USP40: variants seen among roughly 807,000 people sequenced by gnomAD.
USP40 encodes the protein ubiquitin carboxyl-terminal hydrolase 40.
USP40 carries 143 observed loss-of-function variants against 166.2 expected under a neutral mutation model. The ratio of observed to expected loss-of-function variants is 0.86; its 90% CI spans 0.75 to 0.99. USP40 has a LOEUF of 0.99. Ranked by LOEUF, USP40 falls within the 50% of genes least tolerant of loss-of-function variation. The pLI, the probability that USP40 is intolerant of heterozygous loss-of-function variation, is 0.00. For missense variants in USP40, 1,444 were observed against 1,479.7 expected, an observed-to-expected ratio of 0.98 and a Z score of 0.40; for synonymous variants, 498 against 524.0, an observed-to-expected ratio of 0.95 and a Z score of 0.68.
intron 15 of USP40, 134 bp from the exon 16 acceptor site, chr2:233,523,623 T>G (rs2067814641): frequency 1.9e-5 from 16 of 851,352 alleles, no homozygotes; most frequent in Non-Finnish European, 2.8e-5. Context: ...AAATGTCTGT[T>G]AAGCATCAGA....
chr2:233,512,977 T>C (rs2066938279), intron 18 of USP40: 1 of 153,930 alleles, frequency 6.5e-6, no homozygotes, highest in South Asian at 2.1e-4. Flanking sequence ...TAAAACCCTC[T>C]TCGTTATTAA....
chr2:233,485,744 C>T, intron 29 of USP40, 23 bp downstream of exon 29: 1 of 1,611,502 alleles, frequency 6.2e-7, no homozygotes, highest in Non-Finnish European at 8.5e-7. Flanking sequence ...CCCAATTTCT[C>T]TGAGACAGCC....
chr2:233,535,005 A>G (rs2068835914), intron 10 of USP40, among the ~76,000 whole-genome samples: 1 of 152,228 alleles, frequency 6.6e-6, no homozygotes, highest in Non-Finnish European at 1.5e-5. Flanking sequence ...TACTTCAAAG[A>G]AGGGAAGCAA....
chr2:233,509,652 C>T (rs1399961006), intron 21 of USP40, among the ~76,000 whole-genome samples: 1 of 151,810 alleles, frequency 6.6e-6, no homozygotes, highest in Non-Finnish European at 1.5e-5. Context: ...ACCAGCCTGG[C>T]TAACATGGAG....
intron 31 of USP40, among the ~76,000 whole-genome samples, chr2:233,477,989 G>A (rs1440429635): frequency 2.6e-5 from 4 of 152,222 alleles, no homozygotes; most frequent in Non-Finnish European, 4.4e-5. Context: ...CCATGGCACC[G>A]TGCGGCAGGT....
At chr2:233,563,746 G>C (rs1362672940) in intron 2 of USP40, among the ~76,000 whole-genome samples, 1 of 152,078 alleles carries the variant, frequency 6.6e-6, no homozygotes, top group Non-Finnish European at 1.5e-5. Context: ...ATACCTCCCT[G>C]TCAGTCACCA....
At chr2:233,501,072 T>C (rs865838298) in intron 21 of USP40, among the ~76,000 whole-genome samples, 1 of 151,982 alleles carries the variant, frequency 6.6e-6, no homozygotes, top group Non-Finnish European at 1.5e-5. Context: ...GTTTAGAAAA[T>C]GATGATAAAA....
chr2:233,523,288 A>G lies in USP40; in HGVS notation c.2083T>C (p.Cys695Arg). 6.2e-7 allele frequency: 1 copy of G among 1,614,014 alleles called. No individual in the cohort carries two copies. Among genetic ancestry groups the G allele is most frequent in the Non-Finnish European group, 8.5e-7 (1 of 1,179,884 alleles). ...GCCGTCCAACCCTCCCCACCTGGACATCCAGCACTGTTGATGAAGATGACA... is the reference window on the plus strand; with the variant it reads ...GCCGTCCAACCCTCCCCACCTGGACGTCCAGCACTGTTGATGAAGATGACA... ...AGVIFINSAG[C>R]PGGEGWTAIP... is the part of the protein sequence containing the mutation. Residue 695 changes from cysteine to arginine, a missense_variant, in exon 16 of 32, where the codon TGT becomes CGT. Physicochemically the swap from Cys to Arg is radical, Grantham distance 180. Transcript: ENST00000678225.
chr2:233,488,828 C>T (rs947544230), intron 27 of USP40, among the ~76,000 whole-genome samples: 15 of 151,984 alleles, frequency 9.9e-5, no homozygotes, highest in Admixed American at 8.5e-4. Flanking sequence ...ATCACTTGAG[C>T]CCAGGAGGTT....
chr2:233,532,490 C>T (rs1014963322), intron 11 of USP40, among the ~76,000 whole-genome samples: 4 of 152,274 alleles, frequency 2.6e-5, no homozygotes, highest in Non-Finnish European at 4.4e-5. Context: ...ATATTTGGAC[C>T]GGAGAAGATT....
At position 233,549,369 on chromosome 2, in the gene USP40, A is replaced by T. The variant is rs185423186; in HGVS notation, c.838-140T>A. On this transcript the variant is annotated intron_variant, in intron 7 of 31. Transcript: ENST00000678225. ...TTAAGAGTAAAGATGAATTCAAGTA[A>T]TTGGCTTTAAATTTAAAATTTTTAA... The T allele has an allele frequency of 1.3e-4, 77 of 610,146 alleles. 1 individual carries two copies. In the East Asian group the frequency reaches 2.4e-3, roughly 19 times the overall value. The allele number at this position is 610,146 out of a possible 1,614,324, so 37.8% of individuals were successfully genotyped here. A position where few individuals can be genotyped will look rare whatever the true frequency, so the allele number is the denominator to read the frequency against.
intron 8 of USP40, among the ~76,000 whole-genome samples, chr2:233,543,655 C>A (rs1386220665): frequency 6.6e-6 from 1 of 152,160 alleles, no homozygotes; most frequent in Non-Finnish European, 1.5e-5. Flanking sequence ...GAGGACACAG[C>A]AAGAAAGAGT....
chr2:233,494,979 T>C (rs7564364), intron 24 of USP40, among the ~76,000 whole-genome samples: 3,452 of 74,382 alleles, frequency 0.046, 153 homozygotes, highest in African/African-American at 0.16. Flanking sequence ...TATATATATA[T>C]ACACACACAT....
intron 5 of USP40, among the ~76,000 whole-genome samples, chr2:233,555,051 G>A (rs531564363): frequency 6.6e-6 from 1 of 152,286 alleles, no homozygotes; most frequent in East Asian, 1.9e-4. Flanking sequence ...AAATTAGCTG[G>A]GTGTGGTGGT....
At chr2:233,513,337 C>T (rs2066959248) in intron 18 of USP40, among the ~76,000 whole-genome samples, 1 of 152,156 alleles carries the variant, frequency 6.6e-6, no homozygotes, top group East Asian at 1.9e-4. Context: ...TCAATTCCCT[C>T]TTTTGATTAT....
chr2:233,494,963 TATATATATATATATATACAC>T lies in USP40; in HGVS notation c.2791-1432_2791-1413del, dbSNP rs1393559239. Reference sequence around the variant, plus strand: ...ATATATATATATATATATTTATATATATATATATATATATATACACACACATAAAAAATAAATAAATAAAT... The same window carrying T: ...ATATATATATATATATATTTATATATACACATAAAAAATAAATAAATAAAT... On this transcript the variant is annotated intron_variant, in intron 24 of 31. Coordinates refer to ENST00000678225, the MANE Select transcript of USP40 (RefSeq NM_001365479.2). Among the ~76,000 whole-genome samples, 148 of 70,266 alleles carry T rather than the reference TATATATATATATATATACAC, an allele frequency of 2.1e-3. 2 individuals are homozygous for T. The highest frequency in any genetic ancestry group is 0.011 in the African/African-American group (140 of 12,330). 46.1% of individuals were successfully genotyped at this position (70,266 alleles called of 152,430 possible).
At chr2:233,479,350 G>A (rs575361820) in intron 31 of USP40, among the ~76,000 whole-genome samples, 5 of 152,156 alleles carry the variant, frequency 3.3e-5, no homozygotes, top group Non-Finnish European at 7.4e-5. Flanking sequence ...TGATCACAAG[G>A]TCAAGAGATT....
chr2:233,517,388 T>G (rs1559244839), intron 18 of USP40, among the ~76,000 whole-genome samples: 2 of 144,506 alleles, frequency 1.4e-5, no homozygotes, highest in African/African-American at 5.1e-5. Flanking sequence ...GGTTTTTTGT[T>G]TTTTTTTTTT....
At position 233,529,484 on chromosome 2, in the gene USP40, T is replaced by G. The variant is rs752446962; in HGVS notation, c.1500A>C (p.Pro500=). Residue 500 remains proline (P), a synonymous_variant, in exon 12 of 32, where the codon CCA becomes CCC. Coordinates refer to ENST00000678225, the MANE Select transcript of USP40 (RefSeq NM_001365479.2). ...EARANPRYGV[P]CHLLNEMDAA... ...CATCCATTTCATTCAGTAAATGACA[T>G]GGAACCCCATATCTTGGATTAGCTC... The G allele has an allele frequency of 1.3e-6, 2 of 1,585,586 alleles. No individual in the cohort carries two copies. The highest frequency in any genetic ancestry group is 1.7e-6 in the Non-Finnish European group (2 of 1,164,162).
Sources: gnomAD v4.1 joint callset for allele counts (sites outside exome capture counted in the v4.1 genomes callset) on GRCh38, gnomAD v4.1.1 for gene constraint, MANE v1.5 for transcripts, NCBI Gene and HGNC (gene_info 2026-07-23, HGNC 2026-07-21) for gene names.